The following GLIS3 variants were observed in gnomAD, a reference collection of about 807,000 sequenced individuals.
The protein encoded by GLIS3 is zinc finger protein GLIS3.
In GLIS3, 53 loss-of-function variants were observed where a neutral mutation model predicts 78.6. The ratio of observed to expected loss-of-function variants is 0.67; its 90% CI spans 0.54 to 0.85. The LOEUF is 0.85. GLIS3 is among the 40% of genes least tolerant of loss of function. GLIS3 has a pLI of 0.00. For missense variants in GLIS3, 1,703 were observed against 1,231.1 expected (o/e 1.38, Z -5.74); for synonymous variants, 684 against 509.9 (o/e 1.34, Z -4.60).
At chr9:4,488,738 G>A in the GLIS3 span, among the ~76,000 whole-genome samples, 1 of 151,952 alleles carries the variant, frequency 6.6e-6, no homozygotes, top group Non-Finnish European at 1.5e-5. Context: ...GGCTGGTCTC[G>A]AACTCTTGAC....
At chr9:4,382,468 T>C in the GLIS3 span, among the ~76,000 whole-genome samples, 2 of 152,218 alleles carry the variant, frequency 1.3e-5, no homozygotes, top group Non-Finnish European at 2.9e-5. Context: ...GAATCTCCTC[T>C]TCCTGGAAGC....
At chr9:4,189,352 G>A (rs1417033573) in intron 2 of GLIS3, among the ~76,000 whole-genome samples, 1 of 152,074 alleles carries the variant, frequency 6.6e-6, no homozygotes, top group East Asian at 1.9e-4. Flanking sequence ...ATTGCACTGT[G>A]GTCTGAGAGT....
intron 4 of GLIS3, among the ~76,000 whole-genome samples, chr9:4,067,131 G>T (rs1827169400): frequency 6.6e-6 from 1 of 151,238 alleles, no homozygotes; most frequent in African/African-American, 2.4e-5. Flanking sequence ...CCCTGAATTT[G>T]CCATTCATGT....
chr9:4,407,591 G>C, the GLIS3 span, among the ~76,000 whole-genome samples: 9 of 152,240 alleles, frequency 5.9e-5, no homozygotes, highest in Admixed American at 2.0e-4. Context: ...AGCTTGCGGT[G>C]AGCCGAGATC....
intron 4 of GLIS3, among the ~76,000 whole-genome samples, chr9:3,978,231 G>C: frequency 6.6e-6 from 1 of 152,044 alleles, no homozygotes; most frequent in Non-Finnish European, 1.5e-5. Flanking sequence ...AAACTGGGTG[G>C]GGATAATGAA....
intron 4 of GLIS3, among the ~76,000 whole-genome samples, chr9:4,065,989 T>C (rs2130597770): frequency 6.9e-6 from 1 of 145,714 alleles, no homozygotes; most frequent in Non-Finnish European, 1.5e-5. Context: ...TAACCATAAA[T>C]ATATCGCTCT....
chr9:4,060,089 TG>T (rs1826519505), intron 4 of GLIS3, among the ~76,000 whole-genome samples: 1 of 152,022 alleles, frequency 6.6e-6, no homozygotes, highest in Admixed American at 6.6e-5. Flanking sequence ...TGAGCCCATT[TG>T]GTAGCCCTGG....
intron 4 of GLIS3, among the ~76,000 whole-genome samples, chr9:4,307,072 T>C (rs1817243612): frequency 6.6e-6 from 1 of 152,216 alleles, no homozygotes; most frequent in African/African-American, 2.4e-5. Context: ...GTTATGGCAA[T>C]GATAACAACT....
chr9:4,042,508 G>T (rs999419336), intron 4 of GLIS3, among the ~76,000 whole-genome samples: 2 of 152,166 alleles, frequency 1.3e-5, no homozygotes, highest in African/African-American at 4.8e-5. Flanking sequence ...CGTAAAGAAT[G>T]AGTAGAGCAT....
intron 6 of GLIS3, among the ~76,000 whole-genome samples, chr9:3,927,524 C>A (rs1335615494): frequency 6.6e-6 from 1 of 152,184 alleles, no homozygotes; most frequent in African/African-American, 2.4e-5. Flanking sequence ...AAAGCGCACA[C>A]CTCGGGCAAC....
chr9:4,155,757 T>C (rs1013671376), intron 2 of GLIS3, among the ~76,000 whole-genome samples: 3 of 152,122 alleles, frequency 2.0e-5, no homozygotes, highest in Non-Finnish European at 4.4e-5. Flanking sequence ...TGTACAAGCA[T>C]AGATTGCTAG....
At chr9:4,154,601 C>G (rs146236838) in intron 2 of GLIS3, among the ~76,000 whole-genome samples, 1 of 108,620 alleles carries the variant, frequency 9.2e-6, no homozygotes, top group East Asian at 2.2e-4. Context: ...ACAGTCCTTG[C>G]GAATCAATGA....
intron 2 of GLIS3, among the ~76,000 whole-genome samples, chr9:4,205,115 G>A (rs145103443): frequency 6.1e-4 from 90 of 148,738 alleles, no homozygotes; most frequent in Admixed American, 1.0e-3. Flanking sequence ...GGTGCAGAAT[G>A]CAGTGAGCTG....
chr9:4,312,523 A>G (rs1385200219), intron 2 of GLIS3, among the ~76,000 whole-genome samples: 2 of 152,240 alleles, frequency 1.3e-5, no homozygotes, highest in Admixed American at 6.5e-5. Context: ...ATGAGCATGC[A>G]TGTACATACA....
intron 4 of GLIS3, among the ~76,000 whole-genome samples, chr9:4,106,649 G>A (rs1351915977): frequency 6.6e-6 from 1 of 152,148 alleles, no homozygotes; most frequent in Non-Finnish European, 1.5e-5. Context: ...GAGAATAGAA[G>A]AGCATTTATG....
At chr9:4,446,084 G>T in the GLIS3 span, among the ~76,000 whole-genome samples, 472 of 152,124 alleles carry the variant, frequency 3.1e-3, 1 homozygote, top group African/African-American at 9.9e-3. Flanking sequence ...AATATCTGAG[G>T]GTCAAAACCA....
At chr9:4,322,358 T>C (rs1044015763) in intron 2 of GLIS3, among the ~76,000 whole-genome samples, 3 of 152,202 alleles carry the variant, frequency 2.0e-5, no homozygotes, top group Non-Finnish European at 2.9e-5. Flanking sequence ...TGTGTCTTTA[T>C]AGGAACATGA....
chr9:3,879,392 G>T lies in GLIS3; in HGVS notation c.2297+35C>A, dbSNP rs199929969. 3 of 1,607,200 alleles carry T rather than the reference G, an allele frequency of 1.9e-6. No homozygotes were observed. In the African/African-American group the frequency reaches 4.0e-5, roughly 21 times the overall value. On this transcript the variant is annotated intron_variant, in intron 8 of 10. Transcript: ENST00000381971. The stretch of plus-strand genomic sequence containing the variant: ...TGTCTGTGAAGGGAGGTTTGGCGGC[G>T]ACACCTATTAGGAGAGAGAGACAGA...
chr9:3,928,656 C>T (rs1825412213), intron 6 of GLIS3, among the ~76,000 whole-genome samples: 1 of 152,158 alleles, frequency 6.6e-6, no homozygotes, highest in South Asian at 2.1e-4. Flanking sequence ...TGCCAGAAAG[C>T]AATACAGAGC....
Sources: gnomAD v4.1 joint callset for allele counts (sites outside exome capture counted in the v4.1 genomes callset) on GRCh38, gnomAD v4.1.1 for gene constraint, MANE v1.5 for transcripts, NCBI Gene and HGNC (gene_info 2026-07-23, HGNC 2026-07-21) for gene names.